The following SBF2 variants were observed in gnomAD, a reference collection of about 807,000 sequenced individuals.
SBF2 encodes the protein SET binding factor 2.
SBF2 carries 112 observed loss-of-function variants against 225.2 expected under a neutral mutation model. That is an observed-to-expected ratio of 0.50 (90% CI 0.43 to 0.58). SBF2 has a LOEUF of 0.58. SBF2 is among the 20% of genes least tolerant of loss of function. The pLI is 0.00. For missense variants in SBF2, 1,996 were observed against 2,206.2 expected, an observed-to-expected ratio of 0.90 and a Z score of 1.91; for synonymous variants, 763 against 773.3, an observed-to-expected ratio of 0.99 and a Z score of 0.22.
chr11:10,279,900 C>A (rs1309085916), intron 1 of SBF2, among the ~76,000 whole-genome samples: 10 of 152,198 alleles, frequency 6.6e-5, no homozygotes, highest in Admixed American at 3.3e-4. Context: ...CCGCCCACCT[C>A]GGCCTCCCAA....
intron 31 of SBF2, chr11:9,808,488 A>C (rs938457978): frequency 2.1e-6 from 1 of 474,280 alleles, no homozygotes; most frequent in Non-Finnish European, 3.8e-6. Flanking sequence ...GATCAGTTAA[A>C]ATCAATTCTA....
intron 18 of SBF2, among the ~76,000 whole-genome samples, chr11:9,857,639 T>G (rs1396078587): frequency 6.6e-6 from 1 of 152,240 alleles, no homozygotes; most frequent in Non-Finnish European, 1.5e-5. Context: ...TGAAGTAACA[T>G]GACTTGCCCC....
intron 16 of SBF2, chr11:9,959,581 A>G: frequency 1.3e-6 from 1 of 769,042 alleles, no homozygotes; most frequent in Non-Finnish European, 2.4e-6. Context: ...CATGAGATAC[A>G]TGTCACTGTT....
intron 17 of SBF2, among the ~76,000 whole-genome samples, chr11:9,859,948 G>GT (rs1294259136): frequency 6.6e-6 from 1 of 152,228 alleles, no homozygotes; most frequent in African/African-American, 2.4e-5. Flanking sequence ...TTAAGTGGCT[G>GT]TAAGTTGTGG....
chr11:9,785,394 T>A, intron 36 of SBF2, 76 bp from the exon 37 acceptor site: 2 of 1,224,020 alleles, frequency 1.6e-6, no homozygotes, highest in Non-Finnish European at 2.4e-6. Context: ...CATTTACAAA[T>A]ATTTATCTCA....
At chr11:10,137,352 T>C (rs926330682) in intron 2 of SBF2, among the ~76,000 whole-genome samples, 2 of 152,178 alleles carry the variant, frequency 1.3e-5, no homozygotes, top group South Asian at 4.1e-4. Flanking sequence ...CAGGGACAGA[T>C]TTATTCCTTC....
At chr11:10,279,852 T>C (rs753523203) in intron 1 of SBF2, among the ~76,000 whole-genome samples, 34 of 152,038 alleles carry the variant, frequency 2.2e-4, no homozygotes, top group East Asian at 7.8e-4. Context: ...GGTTTCACCA[T>C]GTTTGTCAGG....
chr11:9,941,800 T>A (rs143019219), intron 16 of SBF2, among the ~76,000 whole-genome samples: 101 of 151,988 alleles, frequency 6.6e-4, no homozygotes, highest in East Asian at 6.2e-3. Flanking sequence ...AGAAAAAAAA[T>A]ATATATATAA....
chr11:10,065,930 A>G (rs1950609098), intron 2 of SBF2, among the ~76,000 whole-genome samples: 1 of 152,082 alleles, frequency 6.6e-6, no homozygotes, highest in Non-Finnish European at 1.5e-5. Context: ...CTGGGCAAGA[A>G]GAACAAAACT....
intron 2 of SBF2, among the ~76,000 whole-genome samples, chr11:10,108,556 G>A (rs544888209): frequency 9.0e-4 from 106 of 118,396 alleles, no homozygotes; most frequent in Non-Finnish European, 1.3e-3. Context: ...ACGGAGTCTC[G>A]CTCTGTCGCC....
Position 9,790,578 on chromosome 11 carries a change from A to G in SBF2, c.4676T>C (p.Leu1559Ser). The G allele has an allele frequency of 6.3e-7, 1 of 1,584,620 alleles. No homozygotes were observed. Among genetic ancestry groups the G allele is most frequent in the East Asian group, 2.2e-5 (1 of 44,670 alleles). ...HKRSPIFFNY[L>S]YSPLEIEALK... is the part of the protein sequence containing the mutation. ...TACCTCTATTTCCAATGGTGAATAT[A>G]AATAATTAAAGAAAATGGGACTCCT... The change falls in exon 34 of 40, where the codon TTA (leucine) becomes TCA (serine). Residue 1559 changes from leucine to serine, a missense_variant. Transcript: ENST00000256190.
At position 9,998,314 on chromosome 11, in the gene SBF2, A is replaced by G; in HGVS notation, c.927T>C (p.Ser309=). 6.2e-7 allele frequency: 1 copy of G among 1,609,054 alleles called. No individual in the cohort carries two copies. Among genetic ancestry groups the G allele is most frequent in the Non-Finnish European group, 8.5e-7 (1 of 1,175,532 alleles). The change falls in exon 9 of 40, where the codon TCT becomes TCC. Residue 309 remains serine, a synonymous_variant. Coordinates refer to ENST00000256190, the MANE Select transcript of SBF2 (RefSeq NM_030962.4). Reference sequence around the variant, plus strand: ...GATGTAGAAGTGGTTCTGGGAGGGAAGAGAGGTGAATACATTCGGGAATTT... The same window carrying G: ...GATGTAGAAGTGGTTCTGGGAGGGAGGAGAGGTGAATACATTCGGGAATTT... ...TIKIPECIHL[S]SLPEPLLHQT...
rs185310858 is a variant in SBF2 at position 9,870,532 on chromosome 11, G to C, written c.1930-12136C>G. On this transcript the variant is annotated intron_variant, in intron 17 of 39. Coordinates refer to ENST00000256190, the MANE Select transcript of SBF2 (RefSeq NM_030962.4). ...ATGTAGACCAGTGGACCAGAATACA[G>C]AACTCAGAAATAAGACCACACACCT... Among the ~76,000 whole-genome samples the C allele has an allele frequency of 1.4e-3, 215 of 152,272 alleles. 1 individual carries two copies. Among genetic ancestry groups the C allele is most frequent in the African/African-American group, 4.9e-3 (203 of 41,564 alleles).
chr11:10,192,981 G>A lies in SBF2; in HGVS notation c.141+921C>T, dbSNP rs561949382. Among the ~76,000 whole-genome samples, 8 of 152,230 alleles carry A rather than the reference G, an allele frequency of 5.3e-5. No homozygotes were observed. In the South Asian group the frequency reaches 1.7e-3, roughly 32 times the overall value. On this transcript the variant is annotated intron_variant, in intron 2 of 39. Transcript: ENST00000256190. The stretch of plus-strand genomic sequence containing the variant: ...GTTTACCACCATGGATCCACCACCA[G>A]ATAGAATATCTTGGGTAGCATAAAT...
intron 2 of SBF2, among the ~76,000 whole-genome samples, chr11:10,092,125 T>C (rs2134920353): frequency 6.6e-6 from 1 of 152,024 alleles, no homozygotes; most frequent in East Asian, 1.9e-4. Context: ...TTAGAGAAAA[T>C]AACTCTTCCA....
rs1484648095 is a variant in SBF2 at position 10,293,511 on chromosome 11, G to A, written c.55+504C>T. Among the ~76,000 whole-genome samples, 3 of 152,318 alleles carry A rather than the reference G, an allele frequency of 2.0e-5. No individual in the cohort carries two copies. In the East Asian group the frequency reaches 5.8e-4, roughly 29 times the overall value. ...TCCCTGGTACCACGCGTTCCTTGGG[G>A]AGGTCACTAGGCCCCCAACAGCACA... is the stretch of plus-strand genomic sequence containing the variant. On this transcript the variant is annotated intron_variant, in intron 1 of 39. Transcript: ENST00000256190.
chr11:10,082,657 C>CA (rs1462715784), intron 2 of SBF2, among the ~76,000 whole-genome samples: 1 of 151,924 alleles, frequency 6.6e-6, no homozygotes, highest in African/African-American at 2.4e-5. Context: ...TCAACAGATG[C>CA]AAAAAATCAT....
At chr11:10,152,936 A>G (rs1275308653) in intron 2 of SBF2, among the ~76,000 whole-genome samples, 2 of 152,260 alleles carry the variant, frequency 1.3e-5, no homozygotes, top group Non-Finnish European at 2.9e-5. Context: ...GGGGAAAAAA[A>G]GCCAATAAAA....
At chr11:10,222,553 C>T (rs1958377196) in intron 1 of SBF2, among the ~76,000 whole-genome samples, 1 of 152,044 alleles carries the variant, frequency 6.6e-6, no homozygotes, top group Non-Finnish European at 1.5e-5. Flanking sequence ...CACTTGAAAA[C>T]AGATCAATAA....
Sources: allele counts gnomAD v4.1 joint callset (sites outside exome capture counted in the v4.1 genomes callset), GRCh38; gene constraint gnomAD v4.1.1; transcripts MANE v1.5; gene names NCBI Gene and HGNC (gene_info 2026-07-23, HGNC 2026-07-21).